The following DCAF17 variants were observed in gnomAD, a reference collection of about 807,000 sequenced individuals.
DCAF17 encodes the protein DDB1 and CUL4 associated factor 17.
In DCAF17, 48 loss-of-function variants were observed where a neutral mutation model predicts 66.0. That is an observed-to-expected ratio of 0.73 (90% CI 0.58 to 0.92). The LOEUF is 0.92. Among genes scored for constraint, DCAF17 ranks in the 40% least tolerant of loss-of-function variants. The pLI, the probability that DCAF17 is intolerant of heterozygous loss-of-function variation, is 0.00. For missense variants in DCAF17, 562 were observed against 622.8 expected (o/e 0.90, Z 1.04); for synonymous variants, 206 against 214.6 (o/e 0.96, Z 0.35).
At chr2:171,463,057 C>T (rs1259936256) in intron 8 of DCAF17, among the ~76,000 whole-genome samples, 1 of 151,718 alleles carries the variant, frequency 6.6e-6, no homozygotes, top group Non-Finnish European at 1.5e-5. Flanking sequence ...ATGGCGAAAC[C>T]CTGTCTCTAC....
intron 6 of DCAF17, among the ~76,000 whole-genome samples, chr2:171,453,577 A>G (rs1044336418): frequency 6.6e-6 from 1 of 152,182 alleles, no homozygotes; most frequent in Non-Finnish European, 1.5e-5. Flanking sequence ...TTTAATTGCA[A>G]GATATAGGTC....
Position 171,453,121 on chromosome 2 carries a change from T to A in DCAF17, c.538-3T>A. ...TGCGTGTAATTGTAGTCTTTCCTTCTAGGCAGGCATTCAACAACATGTTTT... is the reference window on the plus strand; with the variant it reads ...TGCGTGTAATTGTAGTCTTTCCTTCAAGGCAGGCATTCAACAACATGTTTT... On this transcript the variant is annotated splice_region_variant and splice_polypyrimidine_tract_variant and intron_variant, in intron 5 of 13. Transcript: ENST00000375255. 1.9e-6 allele frequency: 3 copies of A among 1,603,962 alleles called. No homozygotes were observed. Among genetic ancestry groups the A allele is most frequent in the Non-Finnish European group, 2.6e-6 (3 of 1,175,456 alleles).
In DCAF17 at chr2:171,474,003, T is replaced by G. The variant is rs748309174; in HGVS notation, c.1091+28T>G. 81 of 1,573,762 alleles carry G rather than the reference T, an allele frequency of 5.1e-5. No homozygotes were observed. The Admixed American group carries it at 1.3e-3, about 26-fold the overall frequency. Reference sequence around the variant, plus strand: ...GAGTAATCTCATTAGCACTTGAAAGTTAAGAGCAGCTTTTGGTAGCATTTA... The same window carrying G: ...GAGTAATCTCATTAGCACTTGAAAGGTAAGAGCAGCTTTTGGTAGCATTTA... On this transcript the variant is annotated intron_variant, in intron 10 of 13. Coordinates refer to ENST00000375255, the MANE Select transcript of DCAF17 (RefSeq NM_025000.4).
In DCAF17 at chr2:171,483,326, C is replaced by G; in HGVS notation, c.*2212C>G. 2.2e-6 allele frequency: 1 copy of G among 454,096 alleles called. No homozygotes were observed. Among genetic ancestry groups the G allele is most frequent in the South Asian group, 1.6e-5 (1 of 64,472 alleles). The allele number at this position is 454,096 out of a possible 1,614,324, so 28.1% of individuals were successfully genotyped here. Reference sequence around the variant, plus strand: ...ACAGGTACTAGTGACAGGTACAAAACATTATGGGTAACAATTCTGAGTGTT... The same window carrying G: ...ACAGGTACTAGTGACAGGTACAAAAGATTATGGGTAACAATTCTGAGTGTT... On this transcript the variant is annotated 3_prime_UTR_variant, in exon 14 of 14. Coordinates refer to ENST00000375255, the MANE Select transcript of DCAF17 (RefSeq NM_025000.4).
rs1258743419 is a variant in DCAF17, at chr2:171,483,996, GT to G, written c.*2888del. 12 of 453,514 alleles carry G rather than the reference GT, an allele frequency of 2.6e-5. No homozygotes were observed. Among genetic ancestry groups the G allele is most frequent in the African/African-American group, 4.0e-5 (2 of 49,926 alleles). The allele number at this position is 453,514 out of a possible 1,614,324, so 28.1% of individuals were successfully genotyped here. A position where few individuals can be genotyped will look rare whatever the true frequency, so the allele number is the denominator to read the frequency against. On this transcript the variant is annotated 3_prime_UTR_variant, in exon 14 of 14. Coordinates refer to ENST00000375255, the MANE Select transcript of DCAF17 (RefSeq NM_025000.4). ...ATATGTAGGAAAGTGCTTAATAATC[GT>G]TTTTTACTGATGATTCAGTGTCTAA...
At position 171,434,430 on chromosome 2, in the gene DCAF17, C is replaced by G; in HGVS notation, c.-148C>G. The G allele has an allele frequency of 7.1e-7, 1 of 1,403,692 alleles. No homozygotes were observed. The highest frequency in any genetic ancestry group is 9.7e-7 in the Non-Finnish European group (1 of 1,032,056). 87.0% of individuals were successfully genotyped at this position (1,403,692 alleles called of 1,614,324 possible). ...TCCCTCGCCCCGCCGTCGGGTGCTC[C>G]CTGCCCGCCTCCCCGTGTCAGCTTT... On this transcript the variant is annotated 5_prime_UTR_variant, in exon 1 of 14. Transcript: ENST00000375255.
At chr2:171,473,282 G>A (rs955857045) in intron 9 of DCAF17, among the ~76,000 whole-genome samples, 2 of 152,146 alleles carry the variant, frequency 1.3e-5, no homozygotes, top group Admixed American at 1.3e-4. Context: ...ATGGATTTTG[G>A]AGTCAGATCT....
At chr2:171,459,715 GA>G (rs1340199048) in intron 8 of DCAF17, among the ~76,000 whole-genome samples, 1 of 151,866 alleles carries the variant, frequency 6.6e-6, no homozygotes, top group African/African-American at 2.4e-5. Context: ...TGTTCAAAAG[GA>G]AAAAAATATT....
chr2:171,443,300 A>T (rs1373683818), intron 2 of DCAF17: 2 of 420,592 alleles, frequency 4.8e-6, no homozygotes, highest in African/African-American at 4.0e-5. Context: ...AATGTTAATA[A>T]GGGTTATTTT....
chr2:171,451,828 C>T (rs1028262031), intron 5 of DCAF17, among the ~76,000 whole-genome samples: 1 of 152,192 alleles, frequency 6.6e-6, no homozygotes, highest in Non-Finnish European at 1.5e-5. Context: ...CTGGGATTTA[C>T]AGGCGTGAAC....
intron 2 of DCAF17, among the ~76,000 whole-genome samples, chr2:171,442,050 A>G (rs1207217478): frequency 6.6e-6 from 1 of 152,238 alleles, no homozygotes; most frequent in Non-Finnish European, 1.5e-5. Flanking sequence ...AGTGGTGTCA[A>G]TTAGTGTTCT....
chr2:171,477,996 G>A lies in DCAF17; in HGVS notation c.1192G>A (p.Val398Ile). ...TCTTTCCATATGATAGAATGAAAAT[G>A]TACTCACTGTTACAGCTTCTGGACG... is the stretch of plus-strand genomic sequence containing the variant. ...ANRENHKNENVLTVTASGRVV... is the reference protein window; with the variant it reads ...ANRENHKNENILTVTASGRVV... The change falls in exon 12 of 14, where the codon GTA becomes ATA. Residue 398 changes from valine to isoleucine, a missense_variant. Coordinates refer to ENST00000375255, the MANE Select transcript of DCAF17 (RefSeq NM_025000.4). 2.5e-6 allele frequency: 4 copies of A among 1,613,164 alleles called. No individual in the cohort carries two copies. The highest frequency in any genetic ancestry group is 3.4e-6 in the Non-Finnish European group (4 of 1,179,206).
intron 2 of DCAF17, among the ~76,000 whole-genome samples, chr2:171,442,148 G>C (rs190747754): frequency 4.6e-5 from 7 of 152,332 alleles, no homozygotes; most frequent in Admixed American, 1.3e-4. Flanking sequence ...TCATTCTTGT[G>C]AAACTGTTTG....
intron 2 of DCAF17, 61 bp from the exon 3 acceptor site, chr2:171,443,462 C>A: frequency 6.9e-7 from 1 of 1,451,514 alleles, no homozygotes; most frequent in Non-Finnish European, 9.6e-7. Flanking sequence ...GTCTCTCAAA[C>A]CTGAACAAAT....
At chr2:171,473,218 G>A (rs1373192478) in intron 9 of DCAF17, among the ~76,000 whole-genome samples, 1 of 152,196 alleles carries the variant, frequency 6.6e-6, no homozygotes, top group Non-Finnish European at 1.5e-5. Flanking sequence ...AGAGGAAGAA[G>A]TTGTGGAGAA....
chr2:171,472,619 T>C (rs1032223300), intron 9 of DCAF17, among the ~76,000 whole-genome samples: 2 of 152,220 alleles, frequency 1.3e-5, no homozygotes, highest in Admixed American at 6.5e-5. Flanking sequence ...CAATCACTTA[T>C]TGGAGTACAG....
intron 8 of DCAF17, among the ~76,000 whole-genome samples, chr2:171,460,746 A>G (rs1695540108): frequency 1.3e-5 from 2 of 151,884 alleles, no homozygotes; most frequent in Admixed American, 6.6e-5. Context: ...ATGTTGCTCA[A>G]TTTGGCCTTG....
chr2:171,455,955 T>C (rs1022218999), intron 6 of DCAF17, among the ~76,000 whole-genome samples: 1 of 152,142 alleles, frequency 6.6e-6, no homozygotes, highest in Non-Finnish European at 1.5e-5. Context: ...TCTTCCATAC[T>C]GTAGGATGTC....
chr2:171,462,172 C>A lies in DCAF17; in HGVS notation c.838+3695C>A, dbSNP rs138141219. Among the ~76,000 whole-genome samples the A allele has an allele frequency of 2.2e-4, 34 of 151,938 alleles. 2 individuals are homozygous for A. Among genetic ancestry groups the A allele is most frequent in the African/African-American group, 8.2e-4 (34 of 41,444 alleles). ...CTTTTTATCTCAGTGTGGGGAAGAC[C>A]TTTTTAAGTATGGCACAAAACCCAA... On this transcript the variant is annotated intron_variant, in intron 8 of 13. Transcript: ENST00000375255.
Sources: gnomAD v4.1 joint callset for allele counts (sites outside exome capture counted in the v4.1 genomes callset) on GRCh38, gnomAD v4.1.1 for gene constraint, MANE v1.5 for transcripts, NCBI Gene and HGNC (gene_info 2026-07-23, HGNC 2026-07-21) for gene names.